Variants in APBA2 observed in about 807,000 individuals in gnomAD.
The protein encoded by APBA2 is amyloid-beta A4 precursor protein-binding family A member 2.
A neutral mutation model predicts 75.0 loss-of-function variants in APBA2; 30 were observed. That is an observed-to-expected ratio of 0.40 (90% confidence interval 0.30 to 0.54). APBA2 has a LOEUF of 0.54. Ranked by LOEUF, APBA2 falls within the 20% of genes least tolerant of loss-of-function variation. The pLI is 0.49. For missense variants in APBA2, 801 were observed against 1,016.1 expected, an observed-to-expected ratio of 0.79 and a Z score of 2.88; for synonymous variants, 444 against 409.6, an observed-to-expected ratio of 1.08 and a Z score of -1.01.
At chr15:28,893,502 A>G (rs1243569932) in intron 1 of APBA2, among the ~76,000 whole-genome samples, 2 of 152,190 alleles carry the variant, frequency 1.3e-5, no homozygotes, top group African/African-American at 4.8e-5. Context: ...CTGAGGCAGG[A>G]CTGAGTGGGT....
At chr15:29,033,127 C>G (rs1322881724) in intron 3 of APBA2, among the ~76,000 whole-genome samples, 1 of 152,212 alleles carries the variant, frequency 6.6e-6, no homozygotes, top group African/African-American at 2.4e-5. Context: ...GCATACCAGC[C>G]AGATGCCTAG....
chr15:29,012,785 T>C (rs2039463459), intron 3 of APBA2, among the ~76,000 whole-genome samples: 1 of 152,208 alleles, frequency 6.6e-6, no homozygotes, highest in African/African-American at 2.4e-5. Flanking sequence ...TAGCCATAAA[T>C]TGCAATTTCT....
intron 6 of APBA2, among the ~76,000 whole-genome samples, chr15:29,092,774 A>AT (rs2152951512): frequency 6.6e-6 from 1 of 152,256 alleles, no homozygotes; most frequent in Non-Finnish European, 1.5e-5. Context: ...CGCCTTCTGG[A>AT]TTTGCAGCCT....
At chr15:28,964,356 G>A (rs116491252) in intron 2 of APBA2, among the ~76,000 whole-genome samples, 1,677 of 152,178 alleles carry the variant, frequency 0.011, 32 homozygotes, top group African/African-American at 0.038. Flanking sequence ...TATTCTCATA[G>A]GTGTGTAGTG....
intron 3 of APBA2, among the ~76,000 whole-genome samples, chr15:29,018,809 C>T (rs1369647335): frequency 1.3e-5 from 2 of 152,162 alleles, no homozygotes; most frequent in Non-Finnish European, 2.9e-5. Flanking sequence ...GGCCAGTGAG[C>T]GATACTCTGT....
Position 29,103,646 on chromosome 15 carries a change from C to T in APBA2, c.1525-1733C>T, listed in dbSNP as rs1256950928. 2.6e-5 allele frequency among the ~76,000 whole-genome samples: 4 copies of T among 152,274 alleles called. 1 individual carries two copies. Among genetic ancestry groups the T allele is most frequent in the East Asian group, 1.9e-4 (1 of 5,138 alleles). ...CCCGGGCTTGGAGCTTCCGCGGGGG[C>T]GGAGGATGTCGTCCAAGGGGAGGAA... On this transcript the variant is annotated intron_variant, in intron 10 of 14. Coordinates refer to ENST00000683413, the MANE Select transcript of APBA2 (RefSeq NM_001353788.2).
chr15:29,055,280 G>C (rs1249457957), intron 4 of APBA2, among the ~76,000 whole-genome samples: 1 of 152,234 alleles, frequency 6.6e-6, no homozygotes. Context: ...TGGCCTGGTG[G>C]CTGGGGTCGG....
intron 3 of APBA2, among the ~76,000 whole-genome samples, chr15:29,013,273 CTTTTTTTTT>C (rs560518234): frequency 0.015 from 1,329 of 85,948 alleles, 27 homozygotes; most frequent in African/African-American, 0.061. Flanking sequence ...ATGAGTCATT[CTTTTTTTTT>C]TTTTTTTTTT....
chr15:28,991,499 C>A lies in APBA2; in HGVS notation c.-94-4254C>A, dbSNP rs554515922. 2.0e-5 allele frequency among the ~76,000 whole-genome samples: 3 copies of A among 152,324 alleles called. No homozygotes were observed. Among genetic ancestry groups the A allele is most frequent in the Non-Finnish European group, 4.4e-5 (3 of 68,022 alleles). On this transcript the variant is annotated intron_variant, in intron 2 of 14. Coordinates refer to ENST00000683413, the MANE Select transcript of APBA2 (RefSeq NM_001353788.2). The surrounding 1 kb of genome is among the most constrained non-coding windows in gnomAD (Gnocchi z 4.7). ...GCTGCCCGGCCCCACTGTGAGGCCG[C>A]CCCTTGCAGGTGAGTTCACTGGCAG...
chr15:28,978,501 G>A (rs2037457372), intron 2 of APBA2, among the ~76,000 whole-genome samples: 1 of 152,232 alleles, frequency 6.6e-6, no homozygotes, highest in African/African-American at 2.4e-5. Context: ...AGAGAAAGGA[G>A]CTCCCCAGAG....
intron 3 of APBA2, among the ~76,000 whole-genome samples, chr15:29,037,889 T>C (rs1165142768): frequency 6.6e-6 from 1 of 152,128 alleles, no homozygotes; most frequent in Non-Finnish European, 1.5e-5. Context: ...CCCTGGGTAA[T>C]GGCATTAATC....
At chr15:29,099,124 T>C (rs545758681) in intron 9 of APBA2, among the ~76,000 whole-genome samples, 1 of 152,262 alleles carries the variant, frequency 6.6e-6, no homozygotes, top group South Asian at 2.1e-4. Flanking sequence ...GTGCCAGGGC[T>C]CAGGCACTGG....
intron 1 of APBA2, among the ~76,000 whole-genome samples, chr15:28,909,558 A>G (rs1047191843): frequency 5.9e-5 from 9 of 152,190 alleles, no homozygotes; most frequent in African/African-American, 2.2e-4. Context: ...CCAAGAAGCC[A>G]ATGAGGACTT....
In APBA2 at chr15:29,076,090, T is replaced by A. The variant is rs1348738270; in HGVS notation, c.1068T>A (p.Ala356=). ...TGGCATCATTTCCAAGTTTTGTGGC[T>A]GGTAAGTGACTTTGAATTTTATTTC... ...KKVASFPSFV[A]VPGPCEPEDL... is the part of the protein sequence containing the mutation. Residue 356 remains alanine (A), a splice_region_variant and synonymous_variant, in exon 6 of 15, where the codon GCT becomes GCA. Transcript: ENST00000683413. 5.0e-6 allele frequency: 8 copies of A among 1,614,018 alleles called. No homozygotes were observed. The highest frequency in any genetic ancestry group is 6.8e-6 in the Non-Finnish European group (8 of 1,179,970).
chr15:29,089,794 C>T (rs1019799758), intron 6 of APBA2, among the ~76,000 whole-genome samples: 7 of 152,172 alleles, frequency 4.6e-5, no homozygotes, highest in South Asian at 2.1e-4. Flanking sequence ...GTAAGATATA[C>T]GGTGTGAAAA....
chr15:28,983,728 T>C (rs2037749145), intron 2 of APBA2, among the ~76,000 whole-genome samples: 1 of 152,172 alleles, frequency 6.6e-6, no homozygotes, highest in Admixed American at 6.5e-5. Context: ...AGATGGGCCC[T>C]TTCCCCCACT....
At chr15:28,988,934 C>T (rs955495360) in intron 2 of APBA2, among the ~76,000 whole-genome samples, 2 of 152,198 alleles carry the variant, frequency 1.3e-5, no homozygotes, top group Admixed American at 6.5e-5. Context: ...GTTTCCTCTT[C>T]TCCTTTTTCT....
chr15:29,103,411 C>G (rs965781511), intron 10 of APBA2, among the ~76,000 whole-genome samples: 2 of 152,240 alleles, frequency 1.3e-5, no homozygotes, highest in African/African-American at 4.8e-5. Flanking sequence ...CCTGGACTCA[C>G]AGCAGTGAAC....
chr15:29,107,348 A>T (rs2044476465), intron 12 of APBA2, among the ~76,000 whole-genome samples: 1 of 152,118 alleles, frequency 6.6e-6, no homozygotes, highest in East Asian at 1.9e-4. Flanking sequence ...CAGAAGGGTC[A>T]CCGGCAGCTA....
Sources: allele counts gnomAD v4.1 joint callset (sites outside exome capture counted in the v4.1 genomes callset), GRCh38; gene constraint gnomAD v4.1.1; non-coding constraint Gnocchi (gnomAD v3.1); transcripts MANE v1.5; gene names NCBI Gene and HGNC (gene_info 2026-07-23, HGNC 2026-07-21).